ADAMTS12: variants seen among roughly 807,000 people sequenced by gnomAD.
ADAMTS12 encodes the protein ADAM metallopeptidase with thrombospondin type 1 motif 12, also known as A disintegrin and metalloproteinase with thrombospondin motifs 12.
In ADAMTS12, 118 loss-of-function variants were observed where a neutral mutation model predicts 167.8. That is an observed-to-expected ratio of 0.70 (90% CI 0.61 to 0.82). The LOEUF (loss-of-function observed/expected upper bound fraction) is 0.82, where lower values mean the gene tolerates loss of function less well. Ranked by LOEUF, ADAMTS12 falls within the 40% of genes least tolerant of loss-of-function variation. The probability of loss-of-function intolerance (pLI) is 0.00; values close to 1 mark genes in which losing one functional copy is unlikely to be tolerated. For missense variants in ADAMTS12, 1,916 were observed against 1,998.8 expected, an observed-to-expected ratio of 0.96 and a Z score of 0.79; for synonymous variants, 704 against 716.9, an observed-to-expected ratio of 0.98 and a Z score of 0.29.
In ADAMTS12 at chr5:33,882,682, T is replaced by C. The variant is rs6878451; in HGVS notation, c.128-1202A>G. Among the ~76,000 whole-genome samples, 1,468 of 152,102 alleles carry C rather than the reference T, an allele frequency of 9.7e-3. 30 individuals carry two copies. Among genetic ancestry groups the C allele is most frequent in the African/African-American group, 0.034 (1,392 of 41,498 alleles). On this transcript the variant is annotated intron_variant, in intron 1 of 23. Transcript: ENST00000504830. ...TCTCGACTCACCGCAACCTCCGCCT[T>C]CCAGGTTCAGGTGATTCTCCTACCT... is the stretch of plus-strand genomic sequence containing the variant.
chr5:33,853,656 T>C (rs1749297502), intron 2 of ADAMTS12, among the ~76,000 whole-genome samples: 1 of 152,212 alleles, frequency 6.6e-6, no homozygotes, highest in Non-Finnish European at 1.5e-5. Flanking sequence ...AGCAGCATCA[T>C]TCCCTGCTAC....
At chr5:33,758,858 T>C (rs1277092113) in intron 2 of ADAMTS12, among the ~76,000 whole-genome samples, 1 of 152,136 alleles carries the variant, frequency 6.6e-6, no homozygotes, top group East Asian at 1.9e-4. Context: ...CTCTCTCTCC[T>C]CATGGCCACA....
intron 2 of ADAMTS12, among the ~76,000 whole-genome samples, chr5:33,775,234 T>A (rs1441265417): frequency 6.6e-6 from 1 of 152,176 alleles, no homozygotes; most frequent in Non-Finnish European, 1.5e-5. Flanking sequence ...TGTAAAAATA[T>A]AATTCTTTTT....
At chr5:33,589,133 G>T (rs1019006225) in intron 17 of ADAMTS12, among the ~76,000 whole-genome samples, 1 of 152,152 alleles carries the variant, frequency 6.6e-6, no homozygotes, top group African/African-American at 2.4e-5. Flanking sequence ...TTTAAGCCTC[G>T]CTTTCTCATT....
At chr5:33,803,968 G>C (rs965138577) in intron 2 of ADAMTS12, among the ~76,000 whole-genome samples, 3 of 152,168 alleles carry the variant, frequency 2.0e-5, no homozygotes, top group African/African-American at 4.8e-5. Flanking sequence ...AGGGGAAGAA[G>C]ACAAGAGCCT....
At chr5:33,803,768 C>T (rs1258204836) in intron 2 of ADAMTS12, among the ~76,000 whole-genome samples, 1 of 152,118 alleles carries the variant, frequency 6.6e-6, no homozygotes, top group African/African-American at 2.4e-5. Flanking sequence ...AGGGTGTGTG[C>T]AGGGGAACTG....
chr5:33,821,926 C>T (rs1337531310), intron 2 of ADAMTS12, among the ~76,000 whole-genome samples: 1 of 152,154 alleles, frequency 6.6e-6, no homozygotes, highest in East Asian at 1.9e-4. Flanking sequence ...TTTAGATTTC[C>T]TGAAACTGTC....
chr5:33,713,657 G>A (rs980015734), intron 3 of ADAMTS12, among the ~76,000 whole-genome samples: 1 of 150,818 alleles, frequency 6.6e-6, no homozygotes, highest in Non-Finnish European at 1.5e-5. Flanking sequence ...AAATTGATGA[G>A]GAGAAGATAA....
intron 16 of ADAMTS12, among the ~76,000 whole-genome samples, chr5:33,606,212 T>C (rs1265404139): frequency 1.3e-5 from 2 of 152,240 alleles, no homozygotes; most frequent in Non-Finnish European, 2.9e-5. Flanking sequence ...CCTCCCAAAG[T>C]GTTGGGATTA....
chr5:33,783,000 C>A (rs1746194168), intron 2 of ADAMTS12, among the ~76,000 whole-genome samples: 1 of 151,948 alleles, frequency 6.6e-6, no homozygotes, highest in Admixed American at 6.6e-5. Flanking sequence ...CAACTATTCT[C>A]CAGGGTAGAC....
At chr5:33,797,360 G>T (rs1746817853) in intron 2 of ADAMTS12, among the ~76,000 whole-genome samples, 1 of 151,978 alleles carries the variant, frequency 6.6e-6, no homozygotes, top group African/African-American at 2.4e-5. Flanking sequence ...ATAAGAAATA[G>T]GGAAGTTAGT....
intron 2 of ADAMTS12, among the ~76,000 whole-genome samples, chr5:33,768,211 C>T (rs1427247495): frequency 6.6e-6 from 1 of 152,158 alleles, no homozygotes; most frequent in East Asian, 1.9e-4. Flanking sequence ...TCCTGGCCTC[C>T]GGTTCCAACT....
chr5:33,708,488 C>T (rs1259459906), intron 3 of ADAMTS12, among the ~76,000 whole-genome samples: 1 of 152,208 alleles, frequency 6.6e-6, no homozygotes, highest in Non-Finnish European at 1.5e-5. Flanking sequence ...TATAAAGACA[C>T]ATGCACACAT....
At chr5:33,682,932 T>C in intron 5 of ADAMTS12, 86 bp downstream of exon 5, 1 of 1,102,434 alleles carries the variant, frequency 9.1e-7, no homozygotes, top group South Asian at 1.5e-5. Context: ...GGTACCCTCT[T>C]TCTTGTCTAC....
Position 33,881,230 on chromosome 5 carries a change from G to A in ADAMTS12, c.378C>T (p.Leu126=). The A allele has an allele frequency of 6.2e-7, 1 of 1,614,170 alleles. No homozygotes were observed. The highest frequency in any genetic ancestry group is 8.5e-7 in the Non-Finnish European group (1 of 1,180,020). The change falls in exon 2 of 24, where the codon CTC becomes CTT. Residue 126 remains leucine (L), a synonymous_variant. Coordinates refer to ENST00000504830, the MANE Select transcript of ADAMTS12 (RefSeq NM_030955.4). ...SYIMEKRYGN[L]SHVKMMASSA... ...AGGAAGCCATCATCTTAACATGGGA[G>A]AGGTTCCCATATCTCTTCTCCATGA...
At chr5:33,672,021 A>G (rs1340062123) in intron 5 of ADAMTS12, among the ~76,000 whole-genome samples, 1 of 150,694 alleles carries the variant, frequency 6.6e-6, no homozygotes, top group East Asian at 2.0e-4. Flanking sequence ...ACACACATCC[A>G]CATACATACA....
intron 5 of ADAMTS12, among the ~76,000 whole-genome samples, chr5:33,666,946 A>G (rs1361853571): frequency 2.6e-5 from 4 of 152,192 alleles, no homozygotes; most frequent in Non-Finnish European, 5.9e-5. Flanking sequence ...TGGCTTATCA[A>G]TCACTTCCAC....
At chr5:33,781,846 C>T (rs1027014060) in intron 2 of ADAMTS12, among the ~76,000 whole-genome samples, 1 of 151,974 alleles carries the variant, frequency 6.6e-6, no homozygotes, top group Admixed American at 6.6e-5. Context: ...TCCCTCCCCC[C>T]CGACCCCACA....
At chr5:33,577,983 C>T (rs1371839754) in intron 18 of ADAMTS12, among the ~76,000 whole-genome samples, 2 of 152,164 alleles carry the variant, frequency 1.3e-5, no homozygotes, top group Admixed American at 6.6e-5. Flanking sequence ...TTCATTGCAT[C>T]AATTTCAACA....
Sources: allele counts gnomAD v4.1 joint callset (sites outside exome capture counted in the v4.1 genomes callset), GRCh38; gene constraint gnomAD v4.1.1; transcripts MANE v1.5; gene names NCBI Gene and HGNC (gene_info 2026-07-23, HGNC 2026-07-21).